Variants in SEC14L5 observed in about 807,000 individuals in gnomAD.
The protein encoded by SEC14L5 is SEC14 like lipid binding 5.
A neutral mutation model predicts 84.6 loss-of-function variants in SEC14L5; 96 were observed. The ratio of observed to expected loss-of-function variants is 1.13; its 90% CI spans 0.96 to 1.34. The LOEUF (loss-of-function observed/expected upper bound fraction) is 1.34, where lower values mean the gene tolerates loss of function less well. SEC14L5 is among the 40% of genes most tolerant of loss of function. SEC14L5 has a pLI of 0.00. For synonymous variants in SEC14L5, 546 were observed against 383.4 expected (o/e 1.42, Z -4.95); for missense variants, 1,224 against 942.5 (o/e 1.30, Z -3.91).
chr16:5,000,993 G>A (rs962896863), intron 10 of SEC14L5, 68 bp downstream of exon 10: 11 of 1,219,534 alleles, frequency 9.0e-6, no homozygotes, highest in Middle Eastern at 2.5e-4. Flanking sequence ...GGGGTCCACT[G>A]TGCATATGTG....
chr16:4,966,408 G>C (rs1455731848), intron 2 of SEC14L5, among the ~76,000 whole-genome samples: 1 of 149,862 alleles, frequency 6.7e-6, no homozygotes, highest in African/African-American at 2.5e-5. Flanking sequence ...TGAGTAGCTG[G>C]GAGTACAAGT....
intron 15 of SEC14L5, among the ~76,000 whole-genome samples, chr16:5,013,740 G>A (rs1955835254): frequency 6.6e-6 from 1 of 151,742 alleles, no homozygotes; most frequent in South Asian, 2.1e-4. Context: ...TATATTTTTA[G>A]TGGAGACAGG....
At chr16:4,967,570 T>A (rs997946465) in intron 2 of SEC14L5, among the ~76,000 whole-genome samples, 6 of 127,142 alleles carry the variant, frequency 4.7e-5, no homozygotes, top group Admixed American at 1.6e-4. Context: ...TCGTTTTTTT[T>A]TTTTTTTTTT....
At position 4,988,204 on chromosome 16, in the gene SEC14L5, A is replaced by C; in HGVS notation, c.269A>C (p.Glu90Ala). 6.2e-7 allele frequency: 1 copy of C among 1,613,292 alleles called. No homozygotes were observed. Among genetic ancestry groups the C allele is most frequent in the Non-Finnish European group, 8.5e-7 (1 of 1,179,490 alleles). The change falls in exon 4 of 16, where the codon GAG (glutamate) becomes GCG (alanine). Residue 90 changes from glutamate to alanine, a missense_variant. Transcript: ENST00000251170. ...CAGACAAACATCTTGAACTGGAAGG[A>C]GAGGACGCTCCTCATCGAAGCGCAC... Reference protein sequence around the residue: ...FVQTNILNWKERTLLIEAHNE... With the variant: ...FVQTNILNWKARTLLIEAHNE...
chr16:4,970,931 A>G (rs62036177), intron 2 of SEC14L5, among the ~76,000 whole-genome samples: 3,423 of 152,220 alleles, frequency 0.022, 56 homozygotes, highest in Non-Finnish European at 0.03. Context: ...AACATGGTGA[A>G]ACCCCGTCTC....
At chr16:4,970,530 A>G (rs1345312842) in intron 2 of SEC14L5, among the ~76,000 whole-genome samples, 4 of 152,168 alleles carry the variant, frequency 2.6e-5, no homozygotes, top group Non-Finnish European at 5.9e-5. Flanking sequence ...CCTCTGCGCA[A>G]AATCCTGACA....
Position 5,000,660 on chromosome 16 carries a change from C to A in SEC14L5, c.976C>A (p.Arg326Ser), listed in dbSNP as rs745736318. ...GCTTGGCCCCATCCACAAAGATGGC[C>A]GCCCCCTCTACATCCTCCGCCTGGG... ...GGWHYQDIDG[R>S]PLYILRLGQM... The change falls in exon 9 of 16, where the codon CGC becomes AGC. Residue 326 changes from arginine (R) to serine (S), a missense_variant. By Grantham distance (110) the Arg-to-Ser change is moderately radical (BLOSUM62 -1). Coordinates refer to ENST00000251170, the MANE Select transcript of SEC14L5 (RefSeq NM_014692.2). 1 of 1,551,196 alleles carries A rather than the reference C, an allele frequency of 6.4e-7. No homozygotes were observed. Among genetic ancestry groups the A allele is most frequent in the Non-Finnish European group, 8.7e-7 (1 of 1,146,942 alleles).
At chr16:4,994,149 C>T (rs934448665) in intron 6 of SEC14L5, among the ~76,000 whole-genome samples, 7 of 152,028 alleles carry the variant, frequency 4.6e-5, no homozygotes, top group Admixed American at 3.9e-4. Context: ...AAGGAAAAAT[C>T]CTAGGATACA....
Position 5,014,847 on chromosome 16 carries a change from C to G in SEC14L5, c.1980-12C>G. 2 of 1,609,880 alleles carry G rather than the reference C, an allele frequency of 1.2e-6. No homozygotes were observed. Among genetic ancestry groups the G allele is most frequent in the Non-Finnish European group, 1.7e-6 (2 of 1,176,454 alleles). On this transcript the variant is annotated splice_polypyrimidine_tract_variant and intron_variant, in intron 15 of 15. Coordinates refer to ENST00000251170, the MANE Select transcript of SEC14L5 (RefSeq NM_014692.2). ...GTGAGAGGGTAACGTGTGCCACGCC[C>G]TTCCTCCCCAGGGGCTCCATGTCCA...
intron 2 of SEC14L5, among the ~76,000 whole-genome samples, chr16:4,963,402 G>C (rs926306708): frequency 1.3e-5 from 2 of 152,114 alleles, no homozygotes; most frequent in African/African-American, 2.4e-5. Flanking sequence ...TTGGAGTGCA[G>C]TGGCATGATC....
rs987750239 is a variant in SEC14L5, at chr16:5,003,315, G to T, written c.1131-87G>T. ...TCTGCTCCCAGCCCTATCTCTCGGA[G>T]CCTCCCTGTTCATCCCCTGTGGGGA... On this transcript the variant is annotated intron_variant, in intron 10 of 15. Transcript: ENST00000251170. 1.8e-5 allele frequency: 18 copies of T among 1,024,910 alleles called. 1 individual carries two copies. The African/African-American group carries it at 1.9e-4, about 11-fold the overall frequency. The allele number at this position is 1,024,910 out of a possible 1,614,324, so 63.5% of individuals were successfully genotyped here.
chr16:5,007,137 G>C (rs767330607), intron 12 of SEC14L5, among the ~76,000 whole-genome samples: 3 of 152,162 alleles, frequency 2.0e-5, no homozygotes, highest in Non-Finnish European at 4.4e-5. Context: ...TGACTTGCCC[G>C]AGCCTCCATT....
At chr16:4,966,701 C>CA (rs2142475451) in intron 2 of SEC14L5, among the ~76,000 whole-genome samples, 1 of 152,282 alleles carries the variant, frequency 6.6e-6, no homozygotes, top group South Asian at 2.1e-4. Context: ...CCAAAGCAAA[C>CA]ATGTAGCAGG....
intron 1 of SEC14L5, among the ~76,000 whole-genome samples, 198 bp from the exon 2 acceptor site, chr16:4,959,075 G>T (rs551778636): frequency 1.3e-5 from 2 of 151,974 alleles, no homozygotes; most frequent in Non-Finnish European, 2.9e-5. Flanking sequence ...AAGGCTGAGC[G>T]TGGTCTGGGG....
At chr16:5,003,349 G>A (rs377080170) in intron 10 of SEC14L5, 53 bp from the exon 11 acceptor site, 1 of 1,452,804 alleles carries the variant, frequency 6.9e-7, no homozygotes, top group East Asian at 2.3e-5. Flanking sequence ...GAGGGTGTTG[G>A]TGGCCTTGGG....
chr16:5,009,426 C>T (rs1200347020), intron 14 of SEC14L5, among the ~76,000 whole-genome samples: 3 of 152,090 alleles, frequency 2.0e-5, no homozygotes, highest in Non-Finnish European at 2.9e-5. Flanking sequence ...TAGGCTCAAG[C>T]GATCCTCCCA....
At chr16:4,979,937 G>T (rs1955399674) in intron 2 of SEC14L5, among the ~76,000 whole-genome samples, 1 of 152,170 alleles carries the variant, frequency 6.6e-6, no homozygotes, top group South Asian at 2.1e-4. Flanking sequence ...CGAGTTACAG[G>T]CCAGTGGGAC....
At chr16:4,979,201 G>T (rs895673023) in intron 2 of SEC14L5, among the ~76,000 whole-genome samples, 1 of 152,158 alleles carries the variant, frequency 6.6e-6, no homozygotes, top group South Asian at 2.1e-4. Flanking sequence ...TATGAGCTGA[G>T]GGTATGAACC....
intron 2 of SEC14L5, among the ~76,000 whole-genome samples, chr16:4,969,288 T>G (rs1955245012): frequency 6.6e-6 from 1 of 152,242 alleles, no homozygotes; most frequent in Non-Finnish European, 1.5e-5. Flanking sequence ...ACAAATATTT[T>G]TTGAGTTTTT....
Sources: gnomAD v4.1 joint callset for allele counts (sites outside exome capture counted in the v4.1 genomes callset) on GRCh38, gnomAD v4.1.1 for gene constraint, MANE v1.5 for transcripts, NCBI Gene and HGNC (gene_info 2026-07-23, HGNC 2026-07-21) for gene names.